SLC24A3: variants seen among roughly 807,000 people sequenced by gnomAD.
The protein encoded by SLC24A3 is solute carrier family 24 member 3.
A neutral mutation model predicts 75.8 loss-of-function variants in SLC24A3; 28 were observed. The observed-to-expected ratio is 0.37, with a 90% CI of 0.27 to 0.51. The LOEUF is 0.51. Among genes scored for constraint, SLC24A3 ranks in the 20% least tolerant of loss-of-function variants. The probability of loss-of-function intolerance (pLI) is 0.94; values close to 1 mark genes in which losing one functional copy is unlikely to be tolerated. For missense variants in SLC24A3, 663 were observed against 847.8 expected, an observed-to-expected ratio of 0.78 and a Z score of 2.71; for synonymous variants, 372 against 334.1, an observed-to-expected ratio of 1.11 and a Z score of -1.24.
At chr20:19,612,697 T>C (rs2031687186) in intron 6 of SLC24A3, among the ~76,000 whole-genome samples, 1 of 151,732 alleles carries the variant, frequency 6.6e-6, no homozygotes, top group Non-Finnish European at 1.5e-5. Context: ...TCACCCCCCC[T>C]CTGCTGCCAT....
chr20:19,553,198 T>A (rs1419991761), intron 3 of SLC24A3, among the ~76,000 whole-genome samples: 1 of 151,904 alleles, frequency 6.6e-6, no homozygotes, highest in Non-Finnish European at 1.5e-5. Flanking sequence ...CACGTGTATG[T>A]CCGTGTGCAC....
chr20:19,530,993 C>T (rs1379741354), intron 3 of SLC24A3, among the ~76,000 whole-genome samples: 1 of 152,134 alleles, frequency 6.6e-6, no homozygotes, highest in East Asian at 1.9e-4. Flanking sequence ...AGCCATTGTC[C>T]CCAAAATAAT....
intron 6 of SLC24A3, among the ~76,000 whole-genome samples, chr20:19,626,030 C>G (rs906660917): frequency 2.6e-5 from 4 of 151,996 alleles, no homozygotes; most frequent in Non-Finnish European, 5.9e-5. Context: ...TTTAGCCCAC[C>G]TGACTATGGC....
intron 6 of SLC24A3, among the ~76,000 whole-genome samples, chr20:19,628,951 G>A (rs775368821): frequency 5.7e-5 from 8 of 141,084 alleles, no homozygotes; most frequent in Non-Finnish European, 1.1e-4. Flanking sequence ...ACAAAATATC[G>A]TAAGACATAC....
intron 8 of SLC24A3, among the ~76,000 whole-genome samples, chr20:19,670,438 C>T (rs1306787715): frequency 6.6e-6 from 1 of 152,096 alleles, no homozygotes; most frequent in Admixed American, 6.5e-5. Flanking sequence ...GCAAAATGGC[C>T]AGAGAGAACC....
At chr20:19,589,613 G>C (rs995434097) in intron 6 of SLC24A3, among the ~76,000 whole-genome samples, 10 of 152,154 alleles carry the variant, frequency 6.6e-5, no homozygotes, top group Non-Finnish European at 1.3e-4. Flanking sequence ...CAGCTCCCTT[G>C]GATGAAACAC....
chr20:19,352,447 C>A (rs6035304), intron 2 of SLC24A3, among the ~76,000 whole-genome samples: 9 of 152,306 alleles, frequency 5.9e-5, no homozygotes, highest in African/African-American at 1.9e-4. Flanking sequence ...ACATTATTAA[C>A]GGCTGCTGTG....
At chr20:19,663,987 A>T (rs1013922387) in intron 7 of SLC24A3, among the ~76,000 whole-genome samples, 14 of 152,192 alleles carry the variant, frequency 9.2e-5, no homozygotes, top group African/African-American at 3.4e-4. Context: ...AGGATCACTC[A>T]GAATAAGGGC....
chr20:19,702,772 G>A (rs968405743), intron 15 of SLC24A3, among the ~76,000 whole-genome samples: 36 of 152,260 alleles, frequency 2.4e-4, no homozygotes, highest in African/African-American at 8.4e-4. Context: ...GTGTGAGGTA[G>A]GGATTCAATT....
chr20:19,696,015 C>CTTTTTTTTTTTTTTTTTTTTT (rs778046824), intron 13 of SLC24A3, among the ~76,000 whole-genome samples: 8 of 108,074 alleles, frequency 7.4e-5, no homozygotes, highest in Admixed American at 1.2e-4. Flanking sequence ...TTTTCCTTTT[C>CTTTTTTTTTTTTTTTTTTTTT]TTTTTTTTTT....
intron 6 of SLC24A3, among the ~76,000 whole-genome samples, chr20:19,594,300 T>G (rs2031422165): frequency 6.6e-6 from 1 of 152,212 alleles, no homozygotes; most frequent in Non-Finnish European, 1.5e-5. Context: ...AGACCAGATT[T>G]CATGCCCTAG....
intron 2 of SLC24A3, among the ~76,000 whole-genome samples, chr20:19,343,437 A>G (rs1232142505): frequency 1.3e-5 from 2 of 152,200 alleles, no homozygotes; most frequent in South Asian, 2.1e-4. Flanking sequence ...CACGTGAAGC[A>G]ATTAGACCCC....
At chr20:19,346,063 CTATATATA>C (rs763603062) in intron 2 of SLC24A3, among the ~76,000 whole-genome samples, 659 of 21,244 alleles carry the variant, frequency 0.031, 18 homozygotes, top group East Asian at 0.041. Flanking sequence ...ATAAAGAAAA[CTATATATA>C]TATATATATA....
At chr20:19,222,056 T>C (rs1003028932) in intron 1 of SLC24A3, among the ~76,000 whole-genome samples, 20 of 152,178 alleles carry the variant, frequency 1.3e-4, no homozygotes, top group Non-Finnish European at 1.8e-4. Context: ...TGCTCTAATT[T>C]CTATAGATTT....
chr20:19,709,488 G>C (rs772560270), intron 15 of SLC24A3, among the ~76,000 whole-genome samples: 1 of 152,078 alleles, frequency 6.6e-6, no homozygotes, highest in Admixed American at 6.5e-5. Flanking sequence ...CGAGCGTGGT[G>C]GCACACACCT....
At chr20:19,352,252 G>T (rs1181237982) in intron 2 of SLC24A3, among the ~76,000 whole-genome samples, 2 of 152,150 alleles carry the variant, frequency 1.3e-5, no homozygotes, top group Admixed American at 1.3e-4. Flanking sequence ...CAGAGTGGGG[G>T]TACAGCCTTC....
chr20:19,288,145 T>A (rs1477458367), intron 2 of SLC24A3, among the ~76,000 whole-genome samples: 1 of 152,208 alleles, frequency 6.6e-6, no homozygotes, highest in Admixed American at 6.5e-5. Flanking sequence ...AATAGATTAT[T>A]TAGTGTCATT....
At chr20:19,216,949 G>A (rs565816987) in intron 1 of SLC24A3, among the ~76,000 whole-genome samples, 1 of 152,316 alleles carries the variant, frequency 6.6e-6, no homozygotes, top group East Asian at 1.9e-4. Flanking sequence ...GTCATCTGAA[G>A]CAACACCTCT....
chr20:19,487,980 G>A (rs1988152551), intron 2 of SLC24A3, among the ~76,000 whole-genome samples: 2 of 152,062 alleles, frequency 1.3e-5, no homozygotes, highest in Admixed American at 1.3e-4. Context: ...TCAATTTGTG[G>A]CCAAATTGAA....
Sources: gnomAD v4.1 joint callset for allele counts (sites outside exome capture counted in the v4.1 genomes callset) on GRCh38, gnomAD v4.1.1 for gene constraint, MANE v1.5 for transcripts, NCBI Gene and HGNC (gene_info 2026-07-23, HGNC 2026-07-21) for gene names.